The following AGBL2 variants were observed in gnomAD, a reference collection of about 807,000 sequenced individuals.
AGBL2 encodes the protein cytosolic carboxypeptidase 2.
A neutral mutation model predicts 103.0 loss-of-function variants in AGBL2; 87 were observed. The ratio of observed to expected loss-of-function variants is 0.84; its 90% CI spans 0.71 to 1.01. The LOEUF is 1.01. Among genes scored for constraint, AGBL2 ranks in the 50% least tolerant of loss-of-function variants. AGBL2 has a pLI of 0.00. For synonymous variants in AGBL2, 335 were observed against 356.7 expected, an observed-to-expected ratio of 0.94 and a Z score of 0.69; for missense variants, 904 against 1,023.5, an observed-to-expected ratio of 0.88 and a Z score of 1.59.
chr11:47,668,767 T>C, intron 15 of AGBL2, 74 bp downstream of exon 15: 1 of 1,188,960 alleles, frequency 8.4e-7, no homozygotes, highest in Non-Finnish European at 1.3e-6. Flanking sequence ...GTTGGAAAAT[T>C]CCAACAAATT....
chr11:47,708,368 C>T (rs1480576711), intron 4 of AGBL2, among the ~76,000 whole-genome samples: 2 of 151,378 alleles, frequency 1.3e-5, no homozygotes, highest in Non-Finnish European at 2.9e-5. Context: ...GTGCCCAGCC[C>T]AATCATCTTT....
At chr11:47,706,022 C>A (rs2097517689) in intron 4 of AGBL2, 105 bp from the exon 5 acceptor site, 1 of 860,120 alleles carries the variant, frequency 1.2e-6, no homozygotes, top group Non-Finnish European at 2.0e-6. Flanking sequence ...ACTCTGGACC[C>A]CTGCATTTCT....
chr11:47,708,794 C>T (rs937541471), intron 4 of AGBL2, among the ~76,000 whole-genome samples: 2 of 145,470 alleles, frequency 1.4e-5, no homozygotes, highest in Admixed American at 7.0e-5. Flanking sequence ...AGCCTTTTGA[C>T]AGAGCAAGAC....
intron 7 of AGBL2, among the ~76,000 whole-genome samples, chr11:47,703,789 G>T (rs1357808899): frequency 6.6e-6 from 1 of 152,006 alleles, no homozygotes; most frequent in Non-Finnish European, 1.5e-5. Flanking sequence ...GCCGGGTGTG[G>T]TGGCACATGC....
At chr11:47,680,757 C>T (rs965425220) in intron 12 of AGBL2, among the ~76,000 whole-genome samples, 2 of 151,464 alleles carry the variant, frequency 1.3e-5, no homozygotes, top group African/African-American at 4.8e-5. Context: ...CGCCACTGCA[C>T]TCCAGCCTGG....
chr11:47,661,455 G>A (rs773010912), intron 18 of AGBL2, among the ~76,000 whole-genome samples: 1 of 152,044 alleles, frequency 6.6e-6, no homozygotes, highest in African/African-American at 2.4e-5. Context: ...TATGGTGATT[G>A]GACTATCAGT....
chr11:47,692,228 A>T lies in AGBL2; in HGVS notation c.723T>A (p.Ser241Arg). 6.2e-7 allele frequency: 1 copy of T among 1,613,770 alleles called. No homozygotes were observed. Among genetic ancestry groups the T allele is most frequent in the Non-Finnish European group, 8.5e-7 (1 of 1,179,870 alleles). ...SVPIEGSYFTSSRVGGKRGIV... is the reference protein window; with the variant it reads ...SVPIEGSYFTRSRVGGKRGIV... Reference sequence around the variant, plus strand: ...TTCCTCGTTTGCCTCCCACTCTGGAACTGGTAAAATAGGAACCTTCTATAG... The same window carrying T: ...TTCCTCGTTTGCCTCCCACTCTGGATCTGGTAAAATAGGAACCTTCTATAG... Residue 241 changes from serine to arginine, a missense_variant, in exon 9 of 19, where the codon AGT (serine) becomes AGA (arginine). Transcript: ENST00000525123.
chr11:47,705,641 CAAAA>C lies in AGBL2; in HGVS notation c.287-11_287-8del, dbSNP rs71228117. On this transcript the variant is annotated splice_polypyrimidine_tract_variant and splice_region_variant and intron_variant, in intron 5 of 18. Coordinates refer to ENST00000525123, the MANE Select transcript of AGBL2 (RefSeq NM_024783.4). ...CCCAGGCAAGAGTGAAAGTCTGTGT[CAAAA>C]AAAAAAAAAAAAGAAAAAGAAAAAG... The C allele has an allele frequency of 1.8e-3, 728 of 411,288 alleles. No homozygotes were observed. The highest frequency in any genetic ancestry group is 3.4e-3 in the South Asian group (108 of 31,912). The allele number at this position is 411,288 out of a possible 1,614,324, so 25.5% of individuals were successfully genotyped here. A position where few individuals can be genotyped will look rare whatever the true frequency, so the allele number is the denominator to read the frequency against.
At chr11:47,683,979 G>A (rs1157214153) in intron 11 of AGBL2, among the ~76,000 whole-genome samples, 1 of 151,050 alleles carries the variant, frequency 6.6e-6, no homozygotes, top group Admixed American at 6.6e-5. Context: ...CGTGCGTGGC[G>A]TGGTGGCTCA....
intron 4 of AGBL2, among the ~76,000 whole-genome samples, chr11:47,707,701 G>A (rs1446411817): frequency 1.3e-5 from 2 of 152,134 alleles, no homozygotes; most frequent in Non-Finnish European, 2.9e-5. Flanking sequence ...ATTGGCAACA[G>A]CAGTATAGGA....
chr11:47,672,879 A>G (rs1209073341), intron 14 of AGBL2, among the ~76,000 whole-genome samples: 1 of 152,148 alleles, frequency 6.6e-6, no homozygotes, highest in Non-Finnish European at 1.5e-5. Flanking sequence ...CCTCTGTCAG[A>G]AGACTTCCAC....
At chr11:47,675,351 G>A (rs896037712) in intron 14 of AGBL2, among the ~76,000 whole-genome samples, 3 of 145,686 alleles carry the variant, frequency 2.1e-5, no homozygotes, top group Non-Finnish European at 4.5e-5. Context: ...AGGACTACAG[G>A]TGCATACCCC....
In AGBL2 at chr11:47,668,712, G is replaced by A. The variant is rs2097348424; in HGVS notation, c.2214+129C>T. 4.7e-6 allele frequency: 3 copies of A among 643,622 alleles called. No homozygotes were observed. In the South Asian group the frequency reaches 6.1e-5, roughly 13 times the overall value. 39.9% of individuals were successfully genotyped at this position (643,622 alleles called of 1,614,324 possible). Reference sequence around the variant, plus strand: ...AAAACAAGAGACTTTAGGGCAAGGTGACTAGTTAGGACATTACTGTATATT... The same window carrying A: ...AAAACAAGAGACTTTAGGGCAAGGTAACTAGTTAGGACATTACTGTATATT... On this transcript the variant is annotated intron_variant, in intron 15 of 18. Transcript: ENST00000525123.
chr11:47,663,224 T>G (rs1219278916), intron 17 of AGBL2, 112 bp from the exon 18 acceptor site: 9 of 695,798 alleles, frequency 1.3e-5, no homozygotes, highest in South Asian at 3.9e-5. Flanking sequence ...CATTGTGATA[T>G]TCCCACATAA....
At chr11:47,682,146 T>C (rs2097403798) in intron 11 of AGBL2, 51 bp from the exon 12 acceptor site, 1 of 1,530,918 alleles carries the variant, frequency 6.5e-7, no homozygotes, top group East Asian at 2.3e-5. Flanking sequence ...AAATGTAAAA[T>C]ATCTAAGATT....
At position 47,714,316 on chromosome 11, in the gene AGBL2, T is replaced by C; in HGVS notation, c.65A>G (p.Tyr22Cys). 2 of 1,612,546 alleles carry C rather than the reference T, an allele frequency of 1.2e-6. No homozygotes were observed. Among genetic ancestry groups the C allele is most frequent in the Non-Finnish European group, 1.7e-6 (2 of 1,179,434 alleles). The change falls in exon 3 of 19, where the codon TAC becomes TGC. Residue 22 changes from tyrosine to cysteine, a missense_variant. By Grantham distance (194) the Tyr-to-Cys change is radical. Transcript: ENST00000525123. ...GTAGCCATAATATTGGAGGTGACGG[T>C]ACATAAAGTCTTCATAAGGATCAGG... Reference protein sequence around the residue: ...TIPDPYEDFMYRHLQYYGYFK... With the variant: ...TIPDPYEDFMCRHLQYYGYFK...
chr11:47,682,616 A>G (rs1253440034), intron 11 of AGBL2, among the ~76,000 whole-genome samples: 1 of 152,094 alleles, frequency 6.6e-6, no homozygotes, highest in African/African-American at 2.4e-5. Context: ...CCTTACCCCC[A>G]TAATCTCTGC....
intron 14 of AGBL2, among the ~76,000 whole-genome samples, chr11:47,675,638 C>T (rs78411981): frequency 6.6e-6 from 1 of 152,048 alleles, no homozygotes; most frequent in African/African-American, 2.4e-5. Flanking sequence ...ATCCGCCTGC[C>T]TTGGCCTCCC....
Position 47,668,895 on chromosome 11 carries a change from A to T in AGBL2, c.2160T>A (p.Ser720=), listed in dbSNP as rs1402064507. ...GAAGACCATCTGAGAGAGAACTGTCAGAGCCACTGGTGCTGTTTCCAAAAG... is the reference window on the plus strand; with the variant it reads ...GAAGACCATCTGAGAGAGAACTGTCTGAGCCACTGGTGCTGTTTCCAAAAG... ...LSDIESSTSG[S]DSSLSDGLPV... is the part of the protein sequence containing the mutation. Residue 720 remains serine, a synonymous_variant, in exon 15 of 19, where the codon TCT becomes TCA. Coordinates refer to ENST00000525123, the MANE Select transcript of AGBL2 (RefSeq NM_024783.4). 6.2e-7 allele frequency: 1 copy of T among 1,613,092 alleles called. No homozygotes were observed. The highest frequency in any genetic ancestry group is 8.5e-7 in the Non-Finnish European group (1 of 1,179,392).
Sources: gnomAD v4.1 joint callset for allele counts (sites outside exome capture counted in the v4.1 genomes callset) on GRCh38, gnomAD v4.1.1 for gene constraint, MANE v1.5 for transcripts, NCBI Gene and HGNC (gene_info 2026-07-23, HGNC 2026-07-21) for gene names.